Variants in SNTG1 observed in about 807,000 individuals in gnomAD.
SNTG1 encodes the protein gamma-1-syntrophin.
SNTG1 carries 39 observed loss-of-function variants against 74.7 expected under a neutral mutation model. The observed-to-expected ratio is 0.52, with a 90% CI of 0.40 to 0.68. The LOEUF is 0.68. Ranked by LOEUF, SNTG1 falls within the 30% of genes least tolerant of loss-of-function variation. SNTG1 has a pLI of 0.00. For synonymous variants in SNTG1, 254 were observed against 217.1 expected, an observed-to-expected ratio of 1.17 and a Z score of -1.49; for missense variants, 685 against 609.5, an observed-to-expected ratio of 1.12 and a Z score of -1.30.
chr8:50,232,547 C>A (rs2085683200), intron 2 of SNTG1, among the ~76,000 whole-genome samples: 1 of 151,368 alleles, frequency 6.6e-6, no homozygotes, highest in Non-Finnish European at 1.5e-5. Flanking sequence ...GATGTTTACT[C>A]TTTTCAATTT....
At chr8:49,967,956 A>G (rs1438287648) in intron 1 of SNTG1, among the ~76,000 whole-genome samples, 39 of 152,184 alleles carry the variant, frequency 2.6e-4, no homozygotes, top group Admixed American at 2.5e-3. Context: ...CAGATACAAG[A>G]GCGAGGGTAT....
At chr8:50,332,578 A>G (rs150953607) in intron 2 of SNTG1, among the ~76,000 whole-genome samples, 2 of 152,304 alleles carry the variant, frequency 1.3e-5, no homozygotes, top group Admixed American at 1.3e-4. Flanking sequence ...CTGCATGCTT[A>G]CTTAATCACA....
chr8:49,918,226 A>G (rs1475780179), intron 1 of SNTG1, among the ~76,000 whole-genome samples: 1 of 152,210 alleles, frequency 6.6e-6, no homozygotes, highest in East Asian at 1.9e-4. Flanking sequence ...GATAAAATAG[A>G]TACTTCATGT....
chr8:50,264,838 G>A (rs188872041), intron 2 of SNTG1, among the ~76,000 whole-genome samples: 1 of 152,086 alleles, frequency 6.6e-6, no homozygotes, highest in Non-Finnish European at 1.5e-5. Context: ...AAGAAGGTAA[G>A]AGAATACTAT....
intron 2 of SNTG1, among the ~76,000 whole-genome samples, chr8:50,282,011 A>G (rs760996502): frequency 3.9e-5 from 6 of 152,158 alleles, no homozygotes; most frequent in Non-Finnish European, 8.8e-5. Context: ...TTTAAAGTTC[A>G]CCTTGATCAA....
At chr8:50,417,477 C>T (rs1334797788) in intron 4 of SNTG1, among the ~76,000 whole-genome samples, 1 of 152,092 alleles carries the variant, frequency 6.6e-6, no homozygotes, top group Non-Finnish European at 1.5e-5. Context: ...TATAATATTC[C>T]ATGGCTTGCT....
At chr8:50,370,166 C>T (rs1047844259) in intron 2 of SNTG1, among the ~76,000 whole-genome samples, 9 of 152,128 alleles carry the variant, frequency 5.9e-5, no homozygotes, top group Non-Finnish European at 1.2e-4. Flanking sequence ...AGGATGAGTT[C>T]AGGAATTCAA....
chr8:50,191,357 C>T (rs1422980947), intron 2 of SNTG1, among the ~76,000 whole-genome samples: 1 of 151,988 alleles, frequency 6.6e-6, no homozygotes, highest in Non-Finnish European at 1.5e-5. Context: ...CTTGGCAAAT[C>T]GTTGCTAATT....
intron 2 of SNTG1, among the ~76,000 whole-genome samples, chr8:50,190,517 G>A (rs2083533384): frequency 6.6e-6 from 1 of 151,922 alleles, no homozygotes; most frequent in Non-Finnish European, 1.5e-5. Flanking sequence ...ATTTCTCTTT[G>A]AGAAAAAAAG....
At chr8:50,782,974 A>T (rs912761346) in intron 18 of SNTG1, among the ~76,000 whole-genome samples, 2 of 152,048 alleles carry the variant, frequency 1.3e-5, no homozygotes, top group African/African-American at 4.8e-5. Context: ...TCCACCCCAG[A>T]CCCTGTTTGC....
At chr8:50,598,146 G>A (rs2094744647) in intron 13 of SNTG1, among the ~76,000 whole-genome samples, 1 of 151,610 alleles carries the variant, frequency 6.6e-6, no homozygotes, top group African/African-American at 2.4e-5. Context: ...TCCTTGCCCA[G>A]CCCAATTTCA....
intron 18 of SNTG1, among the ~76,000 whole-genome samples, chr8:50,769,229 A>G (rs1279068689): frequency 1.3e-5 from 2 of 151,906 alleles, no homozygotes; most frequent in Non-Finnish European, 2.9e-5. Flanking sequence ...AGATAAAACA[A>G]ATATATTAAC....
At chr8:50,421,282 A>G (rs1162517581) in intron 4 of SNTG1, among the ~76,000 whole-genome samples, 7 of 152,054 alleles carry the variant, frequency 4.6e-5, no homozygotes, top group Admixed American at 6.6e-5. Context: ...TAGGCAGAGA[A>G]GCGTTCGGGG....
intron 1 of SNTG1, among the ~76,000 whole-genome samples, chr8:50,033,842 T>C (rs766816917): frequency 3.3e-5 from 5 of 152,306 alleles, no homozygotes; most frequent in Admixed American, 2.6e-4. Context: ...ATTTAACATA[T>C]AAATTGCAGG....
At chr8:50,438,647 C>A in intron 5 of SNTG1, 48 bp downstream of exon 5, 1 of 1,491,478 alleles carries the variant, frequency 6.7e-7, no homozygotes, top group Non-Finnish European at 9.3e-7. Context: ...GCCATAAGAG[C>A]TGAACTTTGG....
chr8:50,071,286 A>C (rs1167911726), intron 1 of SNTG1, among the ~76,000 whole-genome samples: 1 of 152,106 alleles, frequency 6.6e-6, no homozygotes, highest in African/African-American at 2.4e-5. Flanking sequence ...GCTGCCTTGA[A>C]AGCCTAGGCT....
intron 17 of SNTG1, among the ~76,000 whole-genome samples, chr8:50,736,904 G>A (rs1394679304): frequency 6.6e-6 from 1 of 152,038 alleles, no homozygotes; most frequent in Non-Finnish European, 1.5e-5. Flanking sequence ...CTGGGAGGCA[G>A]CTAAAGCAGT....
chr8:50,003,711 G>T (rs187573776), intron 1 of SNTG1, among the ~76,000 whole-genome samples: 1 of 152,078 alleles, frequency 6.6e-6, no homozygotes, highest in Non-Finnish European at 1.5e-5. Context: ...CTCTCAAGAG[G>T]ATCTGCTCTC....
At chr8:50,714,425 G>A (rs1026134079) in intron 17 of SNTG1, among the ~76,000 whole-genome samples, 4 of 151,902 alleles carry the variant, frequency 2.6e-5, no homozygotes, top group Non-Finnish European at 5.9e-5. Context: ...AAAATTCCAT[G>A]TTCATGGATA....
Sources: gnomAD v4.1 joint callset for allele counts (sites outside exome capture counted in the v4.1 genomes callset) on GRCh38, gnomAD v4.1.1 for gene constraint, MANE v1.5 for transcripts, NCBI Gene and HGNC (gene_info 2026-07-23, HGNC 2026-07-21) for gene names.